The following MFSD12 variants were observed in gnomAD, a reference collection of about 807,000 sequenced individuals.
MFSD12 encodes the protein major facilitator superfamily domain containing 12, also known as major facilitator superfamily domain-containing protein 12.
A neutral mutation model predicts 51.2 loss-of-function variants in MFSD12; 67 were observed. The ratio of observed to expected loss-of-function variants is 1.31; its 90% CI spans 1.08 to 1.60. The LOEUF (loss-of-function observed/expected upper bound fraction) is 1.60, where lower values mean the gene tolerates loss of function less well. Ranked by LOEUF, MFSD12 falls within the 40% of genes most tolerant of loss-of-function variation. MFSD12 has a pLI of 0.00. For synonymous variants in MFSD12, 441 were observed against 316.7 expected (o/e 1.39, Z -4.17); for missense variants, 921 against 673.0 (o/e 1.37, Z -4.08).
At chr19:3,542,976 A>T (rs2030550029), downstream of MFSD12, 2 of 1,561,910 alleles carry the variant, frequency 1.3e-6, no homozygotes, top group African/African-American at 2.7e-5. Context: ...AGGCAAGAAA[A>T]GCTGAGAACA....
chr19:3,543,265 C>G (rs1032233201), downstream of MFSD12: 2 of 1,546,952 alleles, frequency 1.3e-6, no homozygotes, highest in Non-Finnish European at 1.7e-6. Flanking sequence ...AGGGTTCCCG[C>G]TGGCCACCAG....
At chr19:3,554,859 A>G (rs546099132) in intron 1 of MFSD12, among the ~76,000 whole-genome samples, 1 of 152,254 alleles carries the variant, frequency 6.6e-6, no homozygotes, top group African/African-American at 2.4e-5. Flanking sequence ...GGTAACCTTC[A>G]CTCAAGTCAC....
At position 3,557,487 on chromosome 19, in the gene MFSD12, C is replaced by A; in HGVS notation, c.-84G>T. On this transcript the variant is annotated 5_prime_UTR_variant, in exon 1 of 10. Coordinates refer to ENST00000355415, the MANE Select transcript of MFSD12 (RefSeq NM_174983.5). ...CCTTCTTGGGTGCCGTGGGGGCAGGCGCCGGGGACCCCCACCACGCGCCGG... is the reference window on the plus strand; with the variant it reads ...CCTTCTTGGGTGCCGTGGGGGCAGGAGCCGGGGACCCCCACCACGCGCCGG... The A allele has an allele frequency of 1.1e-6, 1 of 883,288 alleles. No homozygotes were observed. Among genetic ancestry groups the A allele is most frequent in the Non-Finnish European group, 1.4e-6 (1 of 696,198 alleles). 54.7% of individuals were successfully genotyped at this position (883,288 alleles called of 1,614,324 possible). A position where few individuals can be genotyped will look rare whatever the true frequency, so the allele number is the denominator to read the frequency against.
chr19:3,542,621 C>T (rs971270252), downstream of MFSD12: 43 of 768,114 alleles, frequency 5.6e-5, no homozygotes, highest in Non-Finnish European at 6.8e-5. Flanking sequence ...TTACAGGTGC[C>T]CCCCGCCCCC....
chr19:3,543,813 C>T (rs369230520), downstream of MFSD12: 97 of 1,508,326 alleles, frequency 6.4e-5, no homozygotes, highest in East Asian at 5.2e-4. Flanking sequence ...CATGGTGACC[C>T]GAGTCCCACC....
At position 3,547,802 on chromosome 19, in the gene MFSD12, G is replaced by A. The variant is rs910344643; in HGVS notation, c.837+46C>T. ...TGCCCCACAGAGCAAAGGCCCTGTGGGTGGGAGAGAAGGCCCACGCCAGCC... is the reference window on the plus strand; with the variant it reads ...TGCCCCACAGAGCAAAGGCCCTGTGAGTGGGAGAGAAGGCCCACGCCAGCC... On this transcript the variant is annotated intron_variant, in intron 4 of 9. Coordinates refer to ENST00000355415, the MANE Select transcript of MFSD12 (RefSeq NM_174983.5). 2.7e-6 allele frequency: 4 copies of A among 1,459,204 alleles called. No individual in the cohort carries two copies. In the African/African-American group the frequency reaches 5.7e-5, roughly 21 times the overall value. 90.4% of individuals were successfully genotyped at this position (1,459,204 alleles called of 1,614,324 possible). A position where few individuals can be genotyped will look rare whatever the true frequency, so the allele number is the denominator to read the frequency against.
At chr19:3,552,627 G>A (rs992588533) in intron 1 of MFSD12, among the ~76,000 whole-genome samples, 6 of 151,102 alleles carry the variant, frequency 4.0e-5, no homozygotes, top group Admixed American at 1.3e-4. Flanking sequence ...GGTACCTGCC[G>A]CCACATCCCA....
chr19:3,550,511 C>T (rs2031412507), intron 2 of MFSD12, among the ~76,000 whole-genome samples: 1 of 152,030 alleles, frequency 6.6e-6, no homozygotes, highest in South Asian at 2.1e-4. Flanking sequence ...CCTGCCTCAG[C>T]CTCCCGAGTA....
At chr19:3,544,181 G>A (rs1325707598), downstream of MFSD12, 5 of 1,372,654 alleles carry the variant, frequency 3.6e-6, no homozygotes, top group Non-Finnish European at 4.7e-6. Context: ...CCCCCCCGCA[G>A]GCAGACAGGA....
chr19:3,548,381 C>T, intron 2 of MFSD12, 114 bp from the exon 3 acceptor site: 1 of 1,370,478 alleles, frequency 7.3e-7, no homozygotes, highest in South Asian at 1.3e-5. Context: ...CAGGTGATTC[C>T]AACCACTGCC....
chr19:3,543,542 C>T (rs550665308), downstream of MFSD12: 46 of 1,520,354 alleles, frequency 3.0e-5, no homozygotes, highest in African/African-American at 8.4e-5. Context: ...CGCCAGCCCC[C>T]GCCCCACCGC....
chr19:3,549,472 T>G (rs185835051), intron 2 of MFSD12, among the ~76,000 whole-genome samples: 7 of 150,156 alleles, frequency 4.7e-5, no homozygotes, highest in Admixed American at 1.3e-4. Context: ...GCCTGTAATC[T>G]CAGCACTTTG....
Position 3,551,221 on chromosome 19 carries a change from G to C in MFSD12, c.299-27C>G. The C allele has an allele frequency of 2.6e-6, 4 of 1,551,480 alleles. No individual in the cohort carries two copies. The highest frequency in any genetic ancestry group is 3.5e-6 in the Non-Finnish European group (4 of 1,145,654). On this transcript the variant is annotated intron_variant, in intron 1 of 9. Transcript: ENST00000355415. This position sits in a 1 kb window ranked among gnomAD's most constrained non-coding sequence, Gnocchi z 4.6. Reference sequence around the variant, plus strand: ...TGTGGAAGGCAGAGTGGTCAGTCGCGGGGCTGTCCCGCACCAGCCAGGGCT... The same window carrying C: ...TGTGGAAGGCAGAGTGGTCAGTCGCCGGGCTGTCCCGCACCAGCCAGGGCT...
chr19:3,551,914 C>T lies in MFSD12; in HGVS notation c.299-720G>A, dbSNP rs376430893. Among the ~76,000 whole-genome samples the T allele has an allele frequency of 2.6e-5, 4 of 152,150 alleles. No individual in the cohort carries two copies. Among genetic ancestry groups the T allele is most frequent in the Non-Finnish European group, 4.4e-5 (3 of 68,038 alleles). On this transcript the variant is annotated intron_variant, in intron 1 of 9. Coordinates refer to ENST00000355415, the MANE Select transcript of MFSD12 (RefSeq NM_174983.5). This position sits in a 1 kb window ranked among gnomAD's most constrained non-coding sequence, Gnocchi z 4.6. ...TCAACATGCCAGGCGGTCCTGCCCC[C>T]GGGCCTTTGCATGGGCGTGCCTCTG...
In MFSD12 at chr19:3,544,323, G is replaced by A. The variant is rs772806295; in HGVS notation, c.*387C>T. The stretch of plus-strand genomic sequence containing the variant: ...TGGCTGTCTCCTCCAGGCTCCAGCC[G>A]TCCTGAGGGGGCCCTGGCAGTGTCT... On this transcript the variant is annotated 3_prime_UTR_variant, in exon 10 of 10. Transcript: ENST00000355415. 113 of 1,272,022 alleles carry A rather than the reference G, an allele frequency of 8.9e-5. No homozygotes were observed. The highest frequency in any genetic ancestry group is 2.8e-4 in the East Asian group (9 of 31,816). The allele number at this position is 1,272,022 out of a possible 1,614,324, so 78.8% of individuals were successfully genotyped here.
intron 1 of MFSD12, among the ~76,000 whole-genome samples, chr19:3,553,728 C>CAAAAAAAA (rs35093968): frequency 6.5e-5 from 4 of 61,332 alleles, no homozygotes; most frequent in African/African-American, 7.5e-5. Context: ...CTCCATCTCT[C>CAAAAAAAA]AAAAAAAAAA....
At chr19:3,550,137 A>G (rs916360844) in intron 2 of MFSD12, among the ~76,000 whole-genome samples, 3 of 152,162 alleles carry the variant, frequency 2.0e-5, no homozygotes, top group Admixed American at 1.3e-4. Flanking sequence ...GCCTTCCATA[A>G]GACGCTAGCC....
Position 3,548,254 on chromosome 19 carries a change from C to G in MFSD12, c.523G>C (p.Val175Leu), listed in dbSNP as rs373715399. The G allele has an allele frequency of 1.3e-6, 2 of 1,549,770 alleles. No homozygotes were observed. Among genetic ancestry groups the G allele is most frequent in the Non-Finnish European group, 1.7e-6 (2 of 1,147,796 alleles). ...ELTALRYAFT[V>L]VANITVYGAA... ...CCGTAGACGGTGATGTTGGCCACCA[C>G]GGTGAACGCATACCTGGCGGGCAGG... Residue 175 changes from valine (V) to leucine (L), a missense_variant, in exon 3 of 10, where the codon GTG becomes CTG. Val to Leu is a conservative substitution (Grantham distance 32). Coordinates refer to ENST00000355415, the MANE Select transcript of MFSD12 (RefSeq NM_174983.5).
chr19:3,547,785 A>C, intron 4 of MFSD12, 63 bp downstream of exon 4: 1 of 1,450,642 alleles, frequency 6.9e-7, no homozygotes, highest in Non-Finnish European at 9.1e-7. Context: ...GCTGCCCCAC[A>C]GAGCAAAGGC....
Sources: allele counts gnomAD v4.1 joint callset (sites outside exome capture counted in the v4.1 genomes callset), GRCh38; gene constraint gnomAD v4.1.1; non-coding constraint Gnocchi (gnomAD v3.1); transcripts MANE v1.5; gene names NCBI Gene and HGNC (gene_info 2026-07-23, HGNC 2026-07-21).